Variants in PYGL observed in about 807,000 individuals in gnomAD.
The protein encoded by PYGL is glycogen phosphorylase L, also known as glycogen phosphorylase, liver form.
A neutral mutation model predicts 100.1 loss-of-function variants in PYGL; 90 were observed. The ratio of observed to expected loss-of-function variants is 0.90; its 90% confidence interval spans 0.76 to 1.07. PYGL has a LOEUF of 1.07. PYGL is among the 50% of genes least tolerant of loss of function. PYGL has a pLI of 0.00. For synonymous variants in PYGL, 373 were observed against 393.0 expected (o/e 0.95, Z 0.60); for missense variants, 1,016 against 1,057.6 (o/e 0.96, Z 0.55).
At chr14:50,910,803 A>G (rs1387295585) in intron 16 of PYGL, among the ~76,000 whole-genome samples, 1 of 152,184 alleles carries the variant, frequency 6.6e-6, no homozygotes, top group Non-Finnish European at 1.5e-5. Context: ...GCAGGGAAAT[A>G]AGCCACACGT....
chr14:50,935,112 A>AGCCTCCCAAGACCACCAT lies in PYGL; in HGVS notation c.418_419insATGGTGGTCTTGGGAGGC (p.Arg139_Leu140insHisGlyGlyLeuGlyArg). 1.2e-6 allele frequency: 2 copies of AGCCTCCCAAGACCACCAT among 1,607,752 alleles called. No homozygotes were observed. Among genetic ancestry groups the AGCCTCCCAAGACCACCAT allele is most frequent in the South Asian group, 2.2e-5 (2 of 90,936 alleles). ...ACACTCACAATGTCACTTACCAGCA[A>AGCCTCCCAAGACCACCAT]GTCTCCCAAGACCACCATTGCCAAG... is the stretch of plus-strand genomic sequence containing the variant. On this transcript the variant is annotated inframe_insertion, in exon 3 of 20. Coordinates refer to ENST00000216392, the MANE Select transcript of PYGL (RefSeq NM_002863.5).
At chr14:50,941,001 T>C (rs984541828) in intron 1 of PYGL, among the ~76,000 whole-genome samples, 7 of 151,930 alleles carry the variant, frequency 4.6e-5, no homozygotes, top group Admixed American at 2.0e-4. Flanking sequence ...GAGAGCAAGG[T>C]GGGTACAGAG....
In PYGL at chr14:50,924,059, C is replaced by G; in HGVS notation, c.570G>C (p.Trp190Cys). 3 of 1,613,768 alleles carry G rather than the reference C, an allele frequency of 1.9e-6. No homozygotes were observed. In the Admixed American group the frequency reaches 5.0e-5, roughly 27 times the overall value. Residue 190 changes from tryptophan to cysteine, a missense_variant, in exon 5 of 20, where the codon TGG becomes TGC. Coordinates refer to ENST00000216392, the MANE Select transcript of PYGL (RefSeq NM_002863.5). ...ADDWLRYGNP[W>C]EKSRPEFMLP... is the part of the protein sequence containing the mutation. Reference sequence around the variant, plus strand: ...GCATGAATTCTGGGCGGGACTTCTCCCAAGGGTTTCCATATCTGAGCCAAT... The same window carrying G: ...GCATGAATTCTGGGCGGGACTTCTCGCAAGGGTTTCCATATCTGAGCCAAT...
At chr14:50,941,574 A>G (rs979409845) in intron 1 of PYGL, among the ~76,000 whole-genome samples, 3 of 152,222 alleles carry the variant, frequency 2.0e-5, no homozygotes, top group African/African-American at 7.2e-5. Context: ...CAAGATGACA[A>G]TGGCATGAAA....
chr14:50,939,890 T>C, intron 1 of PYGL, among the ~76,000 whole-genome samples: 1 of 152,230 alleles, frequency 6.6e-6, no homozygotes, highest in East Asian at 1.9e-4. Flanking sequence ...TTTGAAAACG[T>C]CAACTTGGAA....
At chr14:50,942,822 C>CAAACAAAACAAAACAAAACA (rs35049468) in intron 1 of PYGL, among the ~76,000 whole-genome samples, 1 of 130,140 alleles carries the variant, frequency 7.7e-6, no homozygotes, top group South Asian at 2.8e-4. Context: ...GACTCTGTCT[C>CAAACAAAACAAAACAAAACA]AAACAAAACA....
intron 12 of PYGL, among the ~76,000 whole-genome samples, chr14:50,914,060 A>G (rs1178797205): frequency 6.6e-6 from 1 of 152,176 alleles, no homozygotes; most frequent in Non-Finnish European, 1.5e-5. Flanking sequence ...GTGACCAGGA[A>G]CCCAGGTTCT....
rs766354684 is a variant in PYGL, at chr14:50,913,113, A to G, written c.1536T>C (p.Tyr512=). 3.7e-6 allele frequency: 6 copies of G among 1,613,848 alleles called. No individual in the cohort carries two copies. The highest frequency in any genetic ancestry group is 1.6e-4 in the Middle Eastern group (1 of 6,062). The change falls in exon 13 of 20, where the codon TAT becomes TAC. Residue 512 remains tyrosine (Y), a synonymous_variant. Coordinates refer to ENST00000216392, the MANE Select transcript of PYGL (RefSeq NM_002863.5). The part of the protein sequence containing the change: ...ELIAEKIGED[Y]VKDLSQLTKL... ...TCGTCAGCTGGCTCAGGTCTTTCAC[A>G]TAGTCTTCTCCAATTTTCTTTCAAT...
rs768273303 is a variant in PYGL, at chr14:50,916,642, C to G, written c.1092G>C (p.Lys364Asn). 4.3e-6 allele frequency: 7 copies of G among 1,610,258 alleles called. No individual in the cohort carries two copies. Among genetic ancestry groups the G allele is most frequent in the Non-Finnish European group, 5.1e-6 (6 of 1,176,614 alleles). Residue 364 changes from lysine (K) to asparagine (N), a missense_variant and splice_region_variant, in exon 9 of 20, where the codon AAG (lysine) becomes AAC (asparagine). Physicochemically the swap from Lys to Asn is moderately conservative, Grantham distance 94. Transcript: ENST00000216392. ...GAAAAAGAAGCCAAACTATCCAGAC[C>G]TTGGACCAGGGCAGTTTTTCAATAT... ...FVDIEKLPWS[K>N]AWELTQKTFA...
intron 2 of PYGL, among the ~76,000 whole-genome samples, chr14:50,937,286 A>T (rs2050661769): frequency 6.6e-6 from 1 of 152,232 alleles, no homozygotes; most frequent in Non-Finnish European, 1.5e-5. Flanking sequence ...TCATTAAGCA[A>T]CAGAGAAAGT....
chr14:50,923,993 G>T lies in PYGL; in HGVS notation c.636C>A (p.Thr212=). The change falls in exon 5 of 20, where the codon ACC becomes ACA. Residue 212 remains threonine (T), a synonymous_variant. Coordinates refer to ENST00000216392, the MANE Select transcript of PYGL (RefSeq NM_002863.5). ...HFYGKVEHTN[T]GTKWIDTQVV... is the part of the protein sequence containing the mutation. ...CTTGAGTGTCAATCCACTTGGTCCC[G>T]GTGTTGGTGTGTTCTACTTTTCCAT... The T allele has an allele frequency of 6.2e-7, 1 of 1,613,842 alleles. No homozygotes were observed. The highest frequency in any genetic ancestry group is 2.2e-5 in the East Asian group (1 of 44,860).
At chr14:50,911,001 C>T (rs377521025) in intron 16 of PYGL, among the ~76,000 whole-genome samples, 39 of 152,346 alleles carry the variant, frequency 2.6e-4, no homozygotes, top group African/African-American at 8.2e-4. Context: ...GGCTCTTCTC[C>T]CTTTATGCAG....
chr14:50,934,761 T>C (rs2139194198), intron 3 of PYGL, among the ~76,000 whole-genome samples: 1 of 152,260 alleles, frequency 6.6e-6, no homozygotes, highest in East Asian at 1.9e-4. Flanking sequence ...AACTGTTCCC[T>C]ATGACCCCCT....
intron 3 of PYGL, 41 bp from the exon 4 acceptor site, chr14:50,931,817 G>A (rs374226012): frequency 4.5e-6 from 7 of 1,561,758 alleles, no homozygotes; most frequent in Non-Finnish European, 6.2e-6. Context: ...GAGTCATTAA[G>A]CTGAGCCAAA....
intron 5 of PYGL, 132 bp from the exon 6 acceptor site, chr14:50,921,199 A>G (rs971157064): frequency 4.2e-6 from 3 of 714,436 alleles, no homozygotes; most frequent in Non-Finnish European, 7.4e-6. Context: ...TGAGGCCTAA[A>G]TGGAGAAGAG....
At chr14:50,918,278 T>A (rs2050471727) in intron 7 of PYGL, among the ~76,000 whole-genome samples, 1 of 152,148 alleles carries the variant, frequency 6.6e-6, no homozygotes, top group Non-Finnish European at 1.5e-5. Context: ...GCATGGAGAT[T>A]CCTTAAAGAA....
rs2050323275 is a variant in PYGL, at chr14:50,905,468, T to C, written c.2468A>G (p.Gln823Arg). 6.2e-7 allele frequency: 1 copy of C among 1,613,924 alleles called. No homozygotes were observed. Among genetic ancestry groups the C allele is most frequent in the East Asian group, 2.2e-5 (1 of 44,876 alleles). ...TGAAGGTTCCACGTTCCAGATGTTT[T>C]GGGCATATTCTTTAATTGTTCGGTC... ...SSDRTIKEYAQNIWNVEPSDL... is the reference protein window; with the variant it reads ...SSDRTIKEYARNIWNVEPSDL... The change falls in exon 20 of 20, where the codon CAA becomes CGA. Residue 823 changes from glutamine to arginine, a missense_variant. Physicochemically the swap from Gln to Arg is conservative, Grantham distance 43 (BLOSUM62 1). Transcript: ENST00000216392.
chr14:50,914,627 A>G, intron 12 of PYGL, 74 bp downstream of exon 12: 1 of 1,282,820 alleles, frequency 7.8e-7, no homozygotes, highest in Non-Finnish European at 1.1e-6. Flanking sequence ...GACTGGATTT[A>G]TAAGTTACAA....
chr14:50,908,136 G>A, intron 19 of PYGL, 135 bp downstream of exon 19: 1 of 553,314 alleles, frequency 1.8e-6, no homozygotes, highest in South Asian at 2.8e-5. Context: ...GTTTGTTTTT[G>A]TTGTTTTTTT....
Sources: gnomAD v4.1 joint callset for allele counts (sites outside exome capture counted in the v4.1 genomes callset) on GRCh38, gnomAD v4.1.1 for gene constraint, MANE v1.5 for transcripts, NCBI Gene and HGNC (gene_info 2026-07-23, HGNC 2026-07-21) for gene names.